Variants in LSM14A observed in about 807,000 individuals in gnomAD.
The protein encoded by LSM14A is protein LSM14 homolog A.
Under a neutral mutation model 52.4 loss-of-function variants are expected in LSM14A, and 14 were observed. That is an observed-to-expected ratio of 0.27 (90% CI 0.18 to 0.42). LSM14A has a LOEUF of 0.42. Ranked by LOEUF, LSM14A falls within the 10% of genes least tolerant of loss-of-function variation. The pLI is 1.00. For synonymous variants in LSM14A, 185 were observed against 200.3 expected (o/e 0.92, Z 0.64); for missense variants, 417 against 581.8 (o/e 0.72, Z 2.91).
intron 3 of LSM14A, among the ~76,000 whole-genome samples, chr19:34,205,694 G>A (rs1450000092): frequency 1.3e-5 from 2 of 151,540 alleles, no homozygotes; most frequent in Non-Finnish European, 2.9e-5. Flanking sequence ...AGAAAAGTTG[G>A]TGAGGACGCC....
At chr19:34,217,895 A>G (rs945475425) in intron 6 of LSM14A, among the ~76,000 whole-genome samples, 1 of 151,904 alleles carries the variant, frequency 6.6e-6, no homozygotes, top group Non-Finnish European at 1.5e-5. Flanking sequence ...ATTGCCCTTC[A>G]AAACTCACCC....
chr19:34,178,847 A>T (rs1181955018), intron 1 of LSM14A, among the ~76,000 whole-genome samples: 1 of 152,220 alleles, frequency 6.6e-6, no homozygotes, highest in Admixed American at 6.5e-5. Context: ...CATAATTAAC[A>T]TTATTGGGGA....
chr19:34,225,454 G>A (rs776548389), intron 9 of LSM14A, among the ~76,000 whole-genome samples: 1 of 152,176 alleles, frequency 6.6e-6, no homozygotes, highest in Non-Finnish European at 1.5e-5. Flanking sequence ...TCCCAGAGAT[G>A]GACATGGATG....
At chr19:34,211,578 C>T (rs1381509642) in intron 4 of LSM14A, among the ~76,000 whole-genome samples, 1 of 151,756 alleles carries the variant, frequency 6.6e-6, no homozygotes, top group Non-Finnish European at 1.5e-5. Flanking sequence ...CTTGAGCCCA[C>T]GAGTTTGAGA....
intron 3 of LSM14A, among the ~76,000 whole-genome samples, chr19:34,198,264 A>C (rs1456215683): frequency 3.3e-5 from 5 of 152,114 alleles, no homozygotes; most frequent in African/African-American, 1.2e-4. Flanking sequence ...ATGTGACTTA[A>C]GTATTTAAAT....
chr19:34,185,009 A>G (rs1288777949), intron 1 of LSM14A, among the ~76,000 whole-genome samples: 1 of 152,224 alleles, frequency 6.6e-6, no homozygotes, highest in East Asian at 1.9e-4. Context: ...TTGCTTTGTA[A>G]TAAACCTTCT....
rs71165632 is a variant in LSM14A, at chr19:34,192,319, G to GTTTTTTTTTTTTTTTT, written c.122-2151_122-2136dup. ...ACACTGAAATAACATTCTTTTTGTT[G>GTTTTTTTTTTTTTTTT]TTTTTTTTTTTTTTTTTTTTTTTGG... On this transcript the variant is annotated intron_variant, in intron 1 of 9. Coordinates refer to ENST00000544216, the MANE Select transcript of LSM14A (RefSeq NM_015578.4). 1.5e-3 allele frequency among the ~76,000 whole-genome samples: 81 copies of GTTTTTTTTTTTTTTTT among 53,394 alleles called. 12 individuals carry two copies. The highest frequency in any genetic ancestry group is 4.0e-3 in the African/African-American group (50 of 12,354). The allele number at this position is 53,394 out of a possible 152,430, so 35.0% of individuals were successfully genotyped here.
chr19:34,228,250 G>T lies in LSM14A; in HGVS notation c.*862G>T, dbSNP rs2073441827. The T allele has an allele frequency of 6.6e-6, 1 of 152,512 alleles. No homozygotes were observed. Among genetic ancestry groups the T allele is most frequent in the African/African-American group, 2.4e-5 (1 of 41,406 alleles). The allele number at this position is 152,512 out of a possible 1,614,324, so 9.4% of individuals were successfully genotyped here. A position where few individuals can be genotyped will look rare whatever the true frequency, so the allele number is the denominator to read the frequency against. ...ATACATTATTTCATTATCTAAAAAG[G>T]ATTAATTATTCATGCTCATTGTAAG... On this transcript the variant is annotated 3_prime_UTR_variant, in exon 10 of 10. Transcript: ENST00000544216.
intron 3 of LSM14A, among the ~76,000 whole-genome samples, chr19:34,207,474 C>T (rs555534379): frequency 6.6e-6 from 1 of 152,130 alleles, no homozygotes; most frequent in South Asian, 2.1e-4. Flanking sequence ...GACTGCACCT[C>T]CAAGGGAGTC....
At chr19:34,209,450 G>T (rs978291824) in intron 4 of LSM14A, among the ~76,000 whole-genome samples, 1 of 152,190 alleles carries the variant, frequency 6.6e-6, no homozygotes. Flanking sequence ...ATCCTCACAG[G>T]ATGGAGAGTA....
At chr19:34,220,534 A>T (rs2072984931) in intron 8 of LSM14A, among the ~76,000 whole-genome samples, 1 of 152,212 alleles carries the variant, frequency 6.6e-6, no homozygotes, top group South Asian at 2.1e-4. Context: ...GTGGGTCCAG[A>T]AAATTGGCAA....
chr19:34,201,900 C>A (rs571024544), intron 3 of LSM14A, among the ~76,000 whole-genome samples: 1 of 152,080 alleles, frequency 6.6e-6, no homozygotes, highest in East Asian at 1.9e-4. Flanking sequence ...CAGGTCGCTG[C>A]AGCCTAGACC....
intron 4 of LSM14A, among the ~76,000 whole-genome samples, chr19:34,214,456 G>A (rs576064852): frequency 2.0e-5 from 3 of 151,968 alleles, no homozygotes; most frequent in South Asian, 2.1e-4. Flanking sequence ...ACACAGGCAC[G>A]CGCCACCACG....
At chr19:34,216,910 A>G (rs1408872259) in intron 6 of LSM14A, among the ~76,000 whole-genome samples, 1 of 152,096 alleles carries the variant, frequency 6.6e-6, no homozygotes, top group Admixed American at 6.5e-5. Flanking sequence ...ATTGTTTTCT[A>G]TGCCTTTGGG....
chr19:34,183,114 TA>T (rs770681563), intron 1 of LSM14A, among the ~76,000 whole-genome samples: 20 of 152,306 alleles, frequency 1.3e-4, no homozygotes, highest in Middle Eastern at 6.8e-3. Flanking sequence ...AAAACAGCCA[TA>T]AGGAAGAATG....
intron 1 of LSM14A, 58 bp from the exon 2 acceptor site, chr19:34,194,420 G>A (rs192135138): frequency 1.5e-6 from 2 of 1,366,220 alleles, no homozygotes; most frequent in Admixed American, 1.8e-5. Context: ...TAGAATCTGG[G>A]GTACTACCTG....
intron 1 of LSM14A, among the ~76,000 whole-genome samples, chr19:34,192,321 T>TGTTG (rs1555767849): frequency 1.4e-5 from 1 of 72,702 alleles, no homozygotes; most frequent in African/African-American, 7.6e-5. Context: ...TTTTTGTTGT[T>TGTTG]TTTTTTTTTT....
At chr19:34,195,012 C>T (rs1010904129) in intron 2 of LSM14A, among the ~76,000 whole-genome samples, 2 of 151,816 alleles carry the variant, frequency 1.3e-5, no homozygotes, top group Admixed American at 6.6e-5. Flanking sequence ...CAGATCCAGG[C>T]AGCCTGCTTC....
chr19:34,179,318 A>G (rs1277634449), intron 1 of LSM14A, among the ~76,000 whole-genome samples: 1 of 152,236 alleles, frequency 6.6e-6, no homozygotes, highest in African/African-American at 2.4e-5. Context: ...GTCATAAACT[A>G]TTACCTTATT....
Sources: gnomAD v4.1 joint callset for allele counts (sites outside exome capture counted in the v4.1 genomes callset) on GRCh38, gnomAD v4.1.1 for gene constraint, MANE v1.5 for transcripts, NCBI Gene and HGNC (gene_info 2026-07-23, HGNC 2026-07-21) for gene names.